Variants in SLC1A2 observed in about 807,000 individuals in gnomAD.
SLC1A2 encodes the protein solute carrier family 1 member 2, also known as excitatory amino acid transporter 2.
Under a neutral mutation model 48.8 loss-of-function variants are expected in SLC1A2, and 15 were observed. That is an observed-to-expected ratio of 0.31 (90% CI 0.21 to 0.47). The LOEUF is 0.47. Among genes scored for constraint, SLC1A2 ranks in the 20% least tolerant of loss-of-function variants. The pLI, the probability that SLC1A2 is intolerant of heterozygous loss-of-function variation, is 0.99. For missense variants in SLC1A2, 502 were observed against 730.5 expected (o/e 0.69, Z 3.61); for synonymous variants, 279 against 272.6 (o/e 1.02, Z -0.23).
intron 7 of SLC1A2, among the ~76,000 whole-genome samples, chr11:35,287,688 G>A: frequency 6.6e-6 from 1 of 152,190 alleles, no homozygotes; most frequent in East Asian, 1.9e-4. Context: ...GTGGATTCGT[G>A]ACCACATGAC....
At chr11:35,406,529 G>A (rs576870844) in intron 1 of SLC1A2, among the ~76,000 whole-genome samples, 17 of 152,226 alleles carry the variant, frequency 1.1e-4, no homozygotes, top group Admixed American at 9.8e-4. Flanking sequence ...TGGAATGGTG[G>A]TAGGGTAGAA....
chr11:35,306,013 G>A, intron 5 of SLC1A2, 61 bp downstream of exon 5: 1 of 1,491,320 alleles, frequency 6.7e-7, no homozygotes, highest in East Asian at 2.3e-5. Flanking sequence ...TCTGAAAAGG[G>A]AGTGCAGGAT....
At chr11:35,332,307 C>T (rs1852456092) in intron 1 of SLC1A2, among the ~76,000 whole-genome samples, 1 of 152,190 alleles carries the variant, frequency 6.6e-6, no homozygotes. Context: ...CCACTTAATT[C>T]CTTAGCAACT....
chr11:35,369,190 A>T (rs1361818691), intron 1 of SLC1A2, among the ~76,000 whole-genome samples: 1 of 152,184 alleles, frequency 6.6e-6, no homozygotes, highest in Non-Finnish European at 1.5e-5. Flanking sequence ...AAAATAACAC[A>T]TCCCAGAATA....
intron 1 of SLC1A2, chr11:35,399,443 G>C (rs1855072733): frequency 6.1e-6 from 1 of 162,994 alleles, no homozygotes; most frequent in Non-Finnish European, 1.3e-5. Context: ...ATCACACTTT[G>C]TTATATAAAT....
At chr11:35,345,549 G>A (rs1360544192) in intron 1 of SLC1A2, among the ~76,000 whole-genome samples, 1 of 152,114 alleles carries the variant, frequency 6.6e-6, no homozygotes, top group Non-Finnish European at 1.5e-5. Context: ...TGACTGTTGG[G>A]ACTGGAGGGG....
At chr11:35,398,594 T>A (rs1297048236) in intron 1 of SLC1A2, among the ~76,000 whole-genome samples, 1 of 152,186 alleles carries the variant, frequency 6.6e-6, no homozygotes, top group African/African-American at 2.4e-5. Flanking sequence ...AAATAACCTG[T>A]ATACCAAACC....
chr11:35,359,176 G>T (rs538841853), intron 1 of SLC1A2, among the ~76,000 whole-genome samples: 72 of 152,262 alleles, frequency 4.7e-4, no homozygotes, highest in African/African-American at 1.5e-3. Context: ...CAGGGAAATG[G>T]CAGAGCTGCA....
chr11:35,284,356 T>C (rs1316251868), intron 8 of SLC1A2, among the ~76,000 whole-genome samples: 1 of 152,054 alleles, frequency 6.6e-6, no homozygotes, highest in East Asian at 1.9e-4. Flanking sequence ...TGGAAGCATA[T>C]GCCAGCATTT....
intron 2 of SLC1A2, 149 bp downstream of exon 2, chr11:35,317,228 T>C (rs898051006): frequency 1.4e-6 from 1 of 699,898 alleles, no homozygotes; most frequent in Non-Finnish European, 2.3e-6. Context: ...AGGAAAATTA[T>C]ATCACTGAAG....
chr11:35,370,180 T>C (rs1473916880), intron 1 of SLC1A2, among the ~76,000 whole-genome samples: 1 of 152,196 alleles, frequency 6.6e-6, no homozygotes, highest in African/African-American at 2.4e-5. Context: ...CACAACACCT[T>C]GATGTGGAAA....
chr11:35,316,591 A>T (rs539098201), intron 2 of SLC1A2: 1 of 151,738 alleles, frequency 6.6e-6, no homozygotes, highest in East Asian at 1.9e-4. Context: ...GGAGGGGTTC[A>T]GGTAGGTGTG....
At chr11:35,358,142 TA>T (rs879302935) in intron 1 of SLC1A2, among the ~76,000 whole-genome samples, 209 of 141,132 alleles carry the variant, frequency 1.5e-3, no homozygotes, top group Middle Eastern at 3.6e-3. Flanking sequence ...AGACTCCGTC[TA>T]AAAAAAAAAA....
chr11:35,370,860 A>T, intron 1 of SLC1A2: 1 of 678,388 alleles, frequency 1.5e-6, no homozygotes, highest in Non-Finnish European at 1.8e-6. Flanking sequence ...GAAGAACATG[A>T]GCTGCACATG....
Position 35,312,295 on chromosome 11 carries a change from G to T in SLC1A2, c.464C>A (p.Pro155His). The T allele has an allele frequency of 6.2e-7, 1 of 1,614,140 alleles. No individual in the cohort carries two copies. Among genetic ancestry groups the T allele is most frequent in the Non-Finnish European group, 8.5e-7 (1 of 1,180,004 alleles). Residue 155 changes from proline to histidine, a missense_variant, in exon 4 of 11, where the codon CCT becomes CAT. By Grantham distance (77) the Pro-to-His change is moderately conservative. Coordinates refer to ENST00000278379, the MANE Select transcript of SLC1A2 (RefSeq NM_004171.4). ...GNPKLKKQLG[P>H]GKKNDEVSSL... ...GGACACTTCATCATTCTTCTTCCCA[G>T]GCCCCAGCTGCTTCTTGAGCTTGGG...
intron 1 of SLC1A2, among the ~76,000 whole-genome samples, chr11:35,335,837 A>G (rs1852611513): frequency 6.6e-6 from 1 of 152,204 alleles, no homozygotes; most frequent in Admixed American, 6.5e-5. Flanking sequence ...AGCCAGTCTC[A>G]AAAAAATTAA....
At chr11:35,287,866 G>T (rs1850877322) in intron 7 of SLC1A2, among the ~76,000 whole-genome samples, 1 of 152,226 alleles carries the variant, frequency 6.6e-6, no homozygotes, top group Non-Finnish European at 1.5e-5. Context: ...AAGCAATGCA[G>T]AACACTCAAA....
At chr11:35,412,347 T>A (rs532303023) in intron 1 of SLC1A2, among the ~76,000 whole-genome samples, 2 of 152,224 alleles carry the variant, frequency 1.3e-5, no homozygotes, top group African/African-American at 4.8e-5. Flanking sequence ...ACTGTAGATA[T>A]ATGTCAATTG....
At chr11:35,265,439 T>G (rs569996491) in intron 10 of SLC1A2, 88 bp downstream of exon 10, 1 of 722,832 alleles carries the variant, frequency 1.4e-6, no homozygotes, top group South Asian at 1.7e-5. Flanking sequence ...CAATAATACA[T>G]GCAGGGCTTT....
Sources: allele counts gnomAD v4.1 joint callset (sites outside exome capture counted in the v4.1 genomes callset), GRCh38; gene constraint gnomAD v4.1.1; transcripts MANE v1.5; gene names NCBI Gene and HGNC (gene_info 2026-07-23, HGNC 2026-07-21).